The following SPATA31H1 variants were observed in gnomAD, a reference collection of about 807,000 sequenced individuals.
SPATA31H1 encodes the protein spermatogenesis-associated protein 31H1.
At chr2:27,582,100 A>G in the SPATA31H1 span, 1 of 1,611,838 alleles carries the variant, frequency 6.2e-7, no homozygotes, top group Non-Finnish European at 8.5e-7. Context: ...AGGATTTCTG[A>G]GAGAAGTCAC....
the SPATA31H1 span, among the ~76,000 whole-genome samples, chr2:27,545,003 A>G: frequency 6.7e-6 from 1 of 148,626 alleles, no homozygotes; most frequent in African/African-American, 2.5e-5. Context: ...GAATTCTTGC[A>G]CATTGCATTT....
chr2:27,566,361 C>G, the SPATA31H1 span: 3 of 717,212 alleles, frequency 4.2e-6, no homozygotes, highest in Non-Finnish European at 7.8e-6. Context: ...TTCAACAGAT[C>G]TTCCGATACC....
At chr2:27,544,010 A>G in the SPATA31H1 span, among the ~76,000 whole-genome samples, 2 of 151,958 alleles carry the variant, frequency 1.3e-5, no homozygotes, top group South Asian at 4.1e-4. Context: ...TAGGAGTTCC[A>G]AGACCCTAAG....
chr2:27,543,147 C>T, the SPATA31H1 span, among the ~76,000 whole-genome samples: 1 of 152,028 alleles, frequency 6.6e-6, no homozygotes, highest in African/African-American at 2.4e-5. Context: ...AATTGTGTCA[C>T]TCTGCTAAAA....
chr2:27,546,523 A>C, the SPATA31H1 span, among the ~76,000 whole-genome samples: 1 of 152,030 alleles, frequency 6.6e-6, no homozygotes, highest in Non-Finnish European at 1.5e-5. Context: ...GAGATATTTA[A>C]TGAAACGTTC....
the SPATA31H1 span, among the ~76,000 whole-genome samples, chr2:27,544,234 T>C: frequency 1.3e-5 from 2 of 152,062 alleles, no homozygotes; most frequent in African/African-American, 4.8e-5. Flanking sequence ...TACCATAAAA[T>C]GCACATATAT....
the SPATA31H1 span, chr2:27,567,813 T>C: frequency 2.5e-6 from 1 of 399,028 alleles, no homozygotes; most frequent in Non-Finnish European, 4.4e-6. Context: ...AAGGCTATCA[T>C]ATCAAGTCAA....
At chr2:27,577,498 C>A in the SPATA31H1 span, 2 of 1,614,084 alleles carry the variant, frequency 1.2e-6, no homozygotes, top group Non-Finnish European at 1.7e-6. This position sits in a 1 kb window ranked among gnomAD's most constrained non-coding sequence, Gnocchi z 4.5. Flanking sequence ...GAGAGATCCC[C>A]AAGGCTCTGT....
the SPATA31H1 span, chr2:27,576,446 T>G: frequency 1.5e-6 from 1 of 672,476 alleles, no homozygotes; most frequent in Non-Finnish European, 2.5e-6. Context: ...ATGTGAAATC[T>G]GTGAAGTCAA....
chr2:27,555,378 T>C, the SPATA31H1 span, among the ~76,000 whole-genome samples: 1 of 151,894 alleles, frequency 6.6e-6, no homozygotes. Flanking sequence ...TCACTAAGTA[T>C]AAAAGTCTAA....
At chr2:27,544,344 T>C in the SPATA31H1 span, among the ~76,000 whole-genome samples, 1 of 151,868 alleles carries the variant, frequency 6.6e-6, no homozygotes, top group Non-Finnish European at 1.5e-5. Context: ...AGTTCCCTCA[T>C]GTTATTTTCT....
chr2:27,548,030 G>A, the SPATA31H1 span, among the ~76,000 whole-genome samples: 2 of 136,134 alleles, frequency 1.5e-5, no homozygotes, highest in African/African-American at 2.8e-5. Flanking sequence ...CACCCAGGCT[G>A]GAGTGTAGTG....
the SPATA31H1 span, among the ~76,000 whole-genome samples, chr2:27,560,027 C>T: frequency 6.6e-6 from 1 of 152,028 alleles, no homozygotes; most frequent in Non-Finnish European, 1.5e-5. Flanking sequence ...ACCACCATGC[C>T]TGGCTAATTT....
the SPATA31H1 span, chr2:27,578,195 G>A: frequency 1.2e-6 from 2 of 1,614,146 alleles, no homozygotes; most frequent in African/African-American, 1.3e-5. Flanking sequence ...AATATATTGA[G>A]TTGACTCCAA....
chr2:27,578,927 T>A, the SPATA31H1 span: 1 of 1,614,106 alleles, frequency 6.2e-7, no homozygotes, highest in Admixed American at 1.7e-5. Context: ...TAGACCCTAC[T>A]ATGATACAAT....
At chr2:27,580,222 T>C in the SPATA31H1 span, 9,472 of 1,614,194 alleles carry the variant, frequency 5.9e-3, 54 homozygotes, top group South Asian at 6.7e-3. Flanking sequence ...ACAATAGATT[T>C]GCAGTCTGGG....
the SPATA31H1 span, chr2:27,582,281 T>C: frequency 6.2e-7 from 1 of 1,613,976 alleles, no homozygotes; most frequent in Non-Finnish European, 8.5e-7. Context: ...GCCATCGCAG[T>C]TCCTGTGAGA....
the SPATA31H1 span, chr2:27,565,493 A>G: frequency 1.4e-6 from 1 of 696,770 alleles, no homozygotes; most frequent in Admixed American, 2.2e-5. Context: ...GAAAAAGAGG[A>G]TGTAAATGGA....
the SPATA31H1 span, chr2:27,567,793 A>T: frequency 5.0e-6 from 2 of 399,096 alleles, no homozygotes; most frequent in South Asian, 1.3e-4. Context: ...ACTAATGTGG[A>T]GTTGACCCCA....
Sources: allele counts gnomAD v4.1 joint callset (sites outside exome capture counted in the v4.1 genomes callset), GRCh38; gene constraint gnomAD v4.1.1; non-coding constraint Gnocchi (gnomAD v3.1); transcripts MANE v1.5; gene names NCBI Gene and HGNC (gene_info 2026-07-23, HGNC 2026-07-21).